CKAP5: variants seen among roughly 807,000 people sequenced by gnomAD.
The protein encoded by CKAP5 is cytoskeleton associated protein 5, also known as cytoskeleton-associated protein 5.
Under a neutral mutation model 232.8 loss-of-function variants are expected in CKAP5, and 27 were observed. The ratio of observed to expected loss-of-function variants is 0.12; its 90% CI spans 0.09 to 0.16. The LOEUF is 0.16. CKAP5 is among the 10% of genes least tolerant of loss of function. The pLI is 1.00. For synonymous variants in CKAP5, 785 were observed against 841.1 expected (o/e 0.93, Z 1.16); for missense variants, 1,838 against 2,424.7 (o/e 0.76, Z 5.08).
chr11:46,812,210 A>G (rs887683907), intron 4 of CKAP5, among the ~76,000 whole-genome samples: 2 of 152,144 alleles, frequency 1.3e-5, no homozygotes, highest in Non-Finnish European at 2.9e-5. Context: ...GGGCGCCTGT[A>G]ATCCCAGCTA....
At chr11:46,774,919 A>C (rs1452190881) in intron 24 of CKAP5, among the ~76,000 whole-genome samples, 1 of 152,220 alleles carries the variant, frequency 6.6e-6, no homozygotes, top group Admixed American at 6.5e-5. Flanking sequence ...TTCAGGACAT[A>C]GGCATGGACA....
chr11:46,793,480 G>A (rs1031786171), intron 13 of CKAP5, among the ~76,000 whole-genome samples: 1 of 152,226 alleles, frequency 6.6e-6, no homozygotes, highest in Non-Finnish European at 1.5e-5. Flanking sequence ...CTGTACAAAG[G>A]TGTAAACACC....
At chr11:46,777,114 AT>A (rs1416984461) in intron 23 of CKAP5, among the ~76,000 whole-genome samples, 1 of 152,216 alleles carries the variant, frequency 6.6e-6, no homozygotes, top group East Asian at 1.9e-4. Context: ...GCAACCATTT[AT>A]TGTGTGCATA....
In CKAP5 at chr11:46,752,694, G is replaced by A; in HGVS notation, c.5074C>T (p.Leu1692Phe). The A allele has an allele frequency of 4.3e-6, 7 of 1,612,560 alleles. No homozygotes were observed. Among genetic ancestry groups the A allele is most frequent in the Non-Finnish European group, 5.1e-6 (6 of 1,179,036 alleles). ...TNILSALLVL[L>F]QDSLLATASS... is the part of the protein sequence containing the mutation. ...GCTGTTGCTAGCAGGCTGTCTTGGA[G>A]CAAAACAAGTAGGGCACTGGAAGAA... The change falls in exon 38 of 44, where the codon CTC (leucine) becomes TTC (phenylalanine). Residue 1692 changes from leucine to phenylalanine, a missense_variant. Transcript: ENST00000529230.
At chr11:46,788,607 G>T (rs2065419457) in intron 16 of CKAP5, 74 bp downstream of exon 16, 4 of 869,836 alleles carry the variant, frequency 4.6e-6, no homozygotes, top group South Asian at 1.5e-5. Flanking sequence ...AAACTATTCT[G>T]CTGTATTACT....
intron 11 of CKAP5, among the ~76,000 whole-genome samples, chr11:46,797,390 C>CA (rs112909367): frequency 0.16 from 21,827 of 137,556 alleles, 2,380 homozygotes; most frequent in African/African-American, 0.33. Context: ...ACAACAACAA[C>CA]AAAAAAAAAA....
intron 33 of CKAP5, among the ~76,000 whole-genome samples, chr11:46,760,142 C>T (rs914590129): frequency 5.3e-5 from 8 of 152,248 alleles, no homozygotes; most frequent in Admixed American, 2.0e-4. Flanking sequence ...CTAAGCACAA[C>T]CAAGTATAAC....
rs373510460 is a variant in CKAP5, at chr11:46,796,771, G to T, written c.1467+41C>A. On this transcript the variant is annotated intron_variant, in intron 12 of 43. Coordinates refer to ENST00000529230, the MANE Select transcript of CKAP5 (RefSeq NM_001008938.4). ...GACAAAGCCATGATGCAAAGAGACA[G>T]GAATGTTGTCCAATTTCAGTCCAAT... The T allele has an allele frequency of 3.7e-6, 6 of 1,607,848 alleles. No homozygotes were observed. In the African/African-American group the frequency reaches 8.0e-5, roughly 22 times the overall value.
intron 1 of CKAP5, among the ~76,000 whole-genome samples, chr11:46,842,631 A>C (rs139523499): frequency 1.4e-3 from 218 of 152,334 alleles, no homozygotes; most frequent in Non-Finnish European, 2.7e-3. Flanking sequence ...ACAGAGGGCA[A>C]ATGGATTCAA....
chr11:46,772,644 T>G, intron 24 of CKAP5, among the ~76,000 whole-genome samples: 1 of 152,194 alleles, frequency 6.6e-6, no homozygotes, highest in Non-Finnish European at 1.5e-5. Context: ...ATGATCTACG[T>G]GTCTATCTCC....
intron 1 of CKAP5, among the ~76,000 whole-genome samples, chr11:46,842,966 C>CAAAAA (rs60343444): frequency 2.5e-4 from 10 of 39,406 alleles, no homozygotes; most frequent in African/African-American, 3.4e-4. Flanking sequence ...GACTCCGTCT[C>CAAAAA]AAAAAAAAAA....
intron 13 of CKAP5, among the ~76,000 whole-genome samples, chr11:46,791,115 C>T (rs1259649568): frequency 1.1e-4 from 16 of 152,088 alleles, no homozygotes; most frequent in Admixed American, 9.8e-4. Context: ...CTGTAGACCC[C>T]ATATTAAAAA....
At chr11:46,799,731 G>A (rs1938983127) in intron 9 of CKAP5, among the ~76,000 whole-genome samples, 1 of 152,176 alleles carries the variant, frequency 6.6e-6, no homozygotes, top group Non-Finnish European at 1.5e-5. Context: ...GGGTGTGGTG[G>A]CTCAAGCCTG....
intron 1 of CKAP5, among the ~76,000 whole-genome samples, chr11:46,842,966 C>CAAAAAA (rs60343444): frequency 1.5e-4 from 6 of 39,406 alleles, no homozygotes; most frequent in South Asian, 1.1e-3. Flanking sequence ...GACTCCGTCT[C>CAAAAAA]AAAAAAAAAA....
intron 4 of CKAP5, among the ~76,000 whole-genome samples, chr11:46,814,085 T>C (rs1939339063): frequency 7.4e-6 from 1 of 135,588 alleles, no homozygotes; most frequent in Non-Finnish European, 1.5e-5. Context: ...TGAGCTGAGA[T>C]CGTACCACTG....
chr11:46,829,999 C>T (rs1939743897), intron 1 of CKAP5, among the ~76,000 whole-genome samples: 1 of 151,918 alleles, frequency 6.6e-6, no homozygotes, highest in South Asian at 2.1e-4. Context: ...AGGGTCTTTG[C>T]AGATGTGATT....
intron 37 of CKAP5, chr11:46,753,065 G>A: frequency 8.9e-6 from 4 of 449,078 alleles, no homozygotes; most frequent in Non-Finnish European, 1.2e-5. Context: ...ACTAGTTTTA[G>A]CTATGGTCTC....
At chr11:46,784,738 T>A in intron 16 of CKAP5, 65 bp from the exon 17 acceptor site, 1 of 1,121,356 alleles carries the variant, frequency 8.9e-7, no homozygotes, top group Non-Finnish European at 1.3e-6. Flanking sequence ...TTACTTGTAT[T>A]AACAGCATGT....
chr11:46,752,836 T>C, intron 37 of CKAP5, 126 bp from the exon 38 acceptor site: 1 of 689,246 alleles, frequency 1.5e-6, no homozygotes, highest in African/African-American at 1.8e-5. Flanking sequence ...GGATCAGGAA[T>C]TGTCCTGGAC....
Sources: gnomAD v4.1 joint callset for allele counts (sites outside exome capture counted in the v4.1 genomes callset) on GRCh38, gnomAD v4.1.1 for gene constraint, MANE v1.5 for transcripts, NCBI Gene and HGNC (gene_info 2026-07-23, HGNC 2026-07-21) for gene names.